The following NEDD4L variants were observed in gnomAD, a reference collection of about 807,000 sequenced individuals.
NEDD4L encodes NEDD4 like E3 ubiquitin protein ligase.
Under a neutral mutation model 148.9 loss-of-function variants are expected in NEDD4L, and 54 were observed. The observed-to-expected ratio is 0.36, with a 90% CI of 0.29 to 0.45. The LOEUF is 0.45. Ranked by LOEUF, NEDD4L falls within the 20% of genes least tolerant of loss-of-function variation. The pLI, the probability that NEDD4L is intolerant of heterozygous loss-of-function variation, is 1.00. For missense variants in NEDD4L, 856 were observed against 1,233.8 expected, an observed-to-expected ratio of 0.69 and a Z score of 4.59; for synonymous variants, 433 against 440.7, an observed-to-expected ratio of 0.98 and a Z score of 0.22.
chr18:58,072,905 C>CACAA (rs1277923229), intron 1 of NEDD4L, among the ~76,000 whole-genome samples: 1 of 147,966 alleles, frequency 6.8e-6, no homozygotes, highest in African/African-American at 2.5e-5. Flanking sequence ...CACACACACA[C>CACAA]AAATCTTGAA....
chr18:58,067,445 G>C (rs2082656405), intron 1 of NEDD4L, among the ~76,000 whole-genome samples: 1 of 152,296 alleles, frequency 6.6e-6, no homozygotes, highest in Admixed American at 6.5e-5. Context: ...ATCAGGGAAT[G>C]AGCTAATTTG....
At chr18:58,128,965 A>G (rs760239185) in intron 1 of NEDD4L, among the ~76,000 whole-genome samples, 1 of 152,242 alleles carries the variant, frequency 6.6e-6, no homozygotes, top group Non-Finnish European at 1.5e-5. Context: ...CCTGTCACGC[A>G]TGTATAACAG....
chr18:58,112,389 T>C (rs558701759), intron 1 of NEDD4L, among the ~76,000 whole-genome samples: 66 of 150,460 alleles, frequency 4.4e-4, no homozygotes, highest in African/African-American at 1.4e-3. Context: ...TATTTATTTA[T>C]TTATTTATTT....
intron 26 of NEDD4L, 107 bp from the exon 27 acceptor site, chr18:58,387,332 G>A (rs1385988075): frequency 8.0e-7 from 1 of 1,256,980 alleles, no homozygotes; most frequent in East Asian, 2.6e-5. Flanking sequence ...GAATCATCAG[G>A]AGAGATTATA....
At chr18:58,155,015 T>G (rs1286766643) in intron 1 of NEDD4L, among the ~76,000 whole-genome samples, 1 of 152,240 alleles carries the variant, frequency 6.6e-6, no homozygotes, top group Non-Finnish European at 1.5e-5. Context: ...TCGTAAGATA[T>G]TACCTGTGAA....
intron 25 of NEDD4L, among the ~76,000 whole-genome samples, chr18:58,384,235 T>C (rs1235784570): frequency 6.6e-6 from 1 of 152,214 alleles, no homozygotes. Flanking sequence ...CTGTCCTTCC[T>C]AATTAGGAAG....
At chr18:58,195,854 A>G in intron 2 of NEDD4L, 1 of 512,598 alleles carries the variant, frequency 2.0e-6, no homozygotes, top group Non-Finnish European at 3.3e-6. Context: ...TAGGGGGATT[A>G]TTTGAACTTG....
In NEDD4L at chr18:58,329,056, C is replaced by T. The variant is rs770645785; in HGVS notation, c.742C>T (p.Arg248Cys). The part of the protein sequence containing the change: ...RQINQEAAHR[R>C]FRSRRHISED... Reference sequence around the variant, plus strand: ...GATCAACCAGGAGGCAGCACACCGGCGCTTCCGCTCCCGCAGGCACATCAG... The same window carrying T: ...GATCAACCAGGAGGCAGCACACCGGTGCTTCCGCTCCCGCAGGCACATCAG... Residue 248 changes from arginine to cysteine, a missense_variant, in exon 10 of 31, where the codon CGC becomes TGC. Physicochemically the swap from Arg to Cys is radical, Grantham distance 180. Around this residue, in one of 4 missense-constraint regions of NEDD4L, gnomAD observed 367 missense variants for 422.7 expected, o/e 0.87. Coordinates refer to ENST00000400345, the MANE Select transcript of NEDD4L (RefSeq NM_001144967.3). 12 of 1,613,890 alleles carry T rather than the reference C, an allele frequency of 7.4e-6. No individual in the cohort carries two copies. The highest frequency in any genetic ancestry group is 5.5e-5 in the South Asian group (5 of 91,078).
intron 24 of NEDD4L, among the ~76,000 whole-genome samples, chr18:58,374,526 C>T (rs564617991): frequency 1.7e-3 from 254 of 151,806 alleles, no homozygotes; most frequent in Middle Eastern, 3.4e-3. Context: ...TACAGACAGG[C>T]GGACACTGTT....
At chr18:58,383,383 C>T in intron 25 of NEDD4L, 64 bp downstream of exon 25, 1 of 921,832 alleles carries the variant, frequency 1.1e-6, no homozygotes, top group Non-Finnish European at 1.7e-6. Flanking sequence ...GGTCACTGTC[C>T]CTTGCTGAAA....
intron 1 of NEDD4L, among the ~76,000 whole-genome samples, chr18:58,122,520 A>ATAAAC (rs1022849240): frequency 8.5e-5 from 13 of 152,168 alleles, no homozygotes; most frequent in Admixed American, 1.3e-4. Context: ...ATAAAATAAA[A>ATAAAC]TATAAAAGTC....
At position 58,316,025 on chromosome 18, in the gene NEDD4L, A is replaced by G. The variant is rs756725290; in HGVS notation, c.341A>G (p.His114Arg). ...FLGQVDVPLSHLPTEDPTMER... is the reference protein window; with the variant it reads ...FLGQVDVPLSRLPTEDPTMER... The stretch of plus-strand genomic sequence containing the variant: ...GGCCAGGTGGACGTGCCCCTTAGTC[A>G]CCTTCCGGTAAGGACAGTCTCATGT... The change falls in exon 6 of 31, where the codon CAC becomes CGC. Residue 114 changes from histidine to arginine, a missense_variant. Around this residue, in one of 4 missense-constraint regions of NEDD4L, gnomAD observed 193 missense variants for 244.2 expected, o/e 0.79. Transcript: ENST00000400345. 6.2e-7 allele frequency: 1 copy of G among 1,613,084 alleles called. No homozygotes were observed. The highest frequency in any genetic ancestry group is 1.1e-5 in the South Asian group (1 of 91,044).
chr18:58,063,801 G>A (rs1047855892), intron 1 of NEDD4L, among the ~76,000 whole-genome samples: 15 of 151,736 alleles, frequency 9.9e-5, no homozygotes, highest in East Asian at 1.9e-4. Flanking sequence ...TGATCCACCC[G>A]CCTCGGCCTC....
intron 2 of NEDD4L, among the ~76,000 whole-genome samples, chr18:58,215,673 A>C (rs936074943): frequency 6.6e-6 from 1 of 152,048 alleles, no homozygotes; most frequent in Admixed American, 6.6e-5. Flanking sequence ...GAATTTCCCC[A>C]CTCTAATTGT....
chr18:58,080,219 C>G (rs1291578520), intron 1 of NEDD4L, among the ~76,000 whole-genome samples: 1 of 152,256 alleles, frequency 6.6e-6, no homozygotes, highest in African/African-American at 2.4e-5. Context: ...CCACTGCACC[C>G]TGCCTAGGAT....
chr18:58,385,364 C>T (rs1170569870), intron 25 of NEDD4L, among the ~76,000 whole-genome samples, 162 bp from the exon 26 acceptor site: 2 of 152,132 alleles, frequency 1.3e-5, no homozygotes, highest in Admixed American at 1.3e-4. Flanking sequence ...TCCAGGGAGT[C>T]TTGAAAGAAG....
chr18:58,230,256 T>C (rs527586), intron 2 of NEDD4L, among the ~76,000 whole-genome samples: 12 of 152,242 alleles, frequency 7.9e-5, no homozygotes, highest in African/African-American at 2.9e-4. Flanking sequence ...TTAGTATTTC[T>C]TGTGTTCTTT....
intron 23 of NEDD4L, among the ~76,000 whole-genome samples, chr18:58,371,203 ATT>A (rs34960405): frequency 4.3e-5 from 4 of 92,962 alleles, no homozygotes; most frequent in East Asian, 6.0e-4. Flanking sequence ...TGCCTGGCTA[ATT>A]TTTTTTTTTT....
At chr18:58,285,465 A>G (rs532498309) in intron 5 of NEDD4L, among the ~76,000 whole-genome samples, 9 of 152,142 alleles carry the variant, frequency 5.9e-5, no homozygotes, top group Non-Finnish European at 1.3e-4. Flanking sequence ...AGTAGCTTGG[A>G]TTACAGGCAT....
Sources: allele counts gnomAD v4.1 joint callset (sites outside exome capture counted in the v4.1 genomes callset), GRCh38; gene constraint gnomAD v4.1.1; regional missense constraint gnomAD v4.1.1; transcripts MANE v1.5; gene names NCBI Gene and HGNC (gene_info 2026-07-23, HGNC 2026-07-21).